DEFB128: variants seen among roughly 807,000 people sequenced by gnomAD.
DEFB128 encodes the protein beta-defensin 128.
A neutral mutation model predicts 2.4 loss-of-function variants in DEFB128; 1 was observed. The observed-to-expected ratio is 0.41, with a 90% CI of 0.15 to 1.96. The LOEUF is 1.96. DEFB128 is among the 30% of genes most tolerant of loss of function. The pLI is 0.30. For synonymous variants in DEFB128, 59 were observed against 39.1 expected (o/e 1.51, Z -1.89); for missense variants, 129 against 104.9 (o/e 1.23, Z -1.00).
At chr20:188,665 C>A (rs1036236431) in intron 1 of DEFB128, among the ~76,000 whole-genome samples, 1 of 152,190 alleles carries the variant, frequency 6.6e-6, no homozygotes, top group South Asian at 2.1e-4. Context: ...GCAACAGGTG[C>A]TATTGAGAAC....
rs372182258 is a variant in DEFB128 at position 188,285 on chromosome 20, C to T, written c.50-167G>A. ...CTTGAAAAATATCCCAAATTAAGGA[C>T]ATTCAAAAGCCCAGGCTCTCAGCCA... On this transcript the variant is annotated intron_variant, in intron 1 of 1. Transcript: ENST00000334391. Among the ~76,000 whole-genome samples the T allele has an allele frequency of 5.3e-5, 8 of 152,292 alleles. No homozygotes were observed. In the East Asian group the frequency reaches 1.4e-3, roughly 26 times the overall value.
rs1190313293 is a variant in DEFB128 at position 188,093 on chromosome 20, G to C, written c.75C>G (p.Phe25Leu). ...LTDGARLKKCFNKVTGYCRKK... is the reference protein window; with the variant it reads ...LTDGARLKKCLNKVTGYCRKK... ...TCCTGCAATAGCCTGTTACTTTATT[G>C]AAGCATTTTTTGAGTCTTGCCCCGT... is the stretch of plus-strand genomic sequence containing the variant. Residue 25 changes from phenylalanine to leucine, a missense_variant, in exon 2 of 2, where the codon TTC becomes TTG. Coordinates refer to ENST00000334391, the MANE Select transcript of DEFB128 (RefSeq NM_001037732.3). 11 of 1,613,808 alleles carry C rather than the reference G, an allele frequency of 6.8e-6. No individual in the cohort carries two copies. Among genetic ancestry groups the C allele is most frequent in the African/African-American group, 1.3e-5 (1 of 74,960 alleles).
chr20:188,349 CAAAAG>C (rs2011114567), intron 1 of DEFB128, among the ~76,000 whole-genome samples: 1 of 152,172 alleles, frequency 6.6e-6, no homozygotes, highest in Admixed American at 6.5e-5. Context: ...ACTGATATGA[CAAAAG>C]AGAAGAGAGA....
rs189532766 is a variant in DEFB128 at position 188,892 on chromosome 20, G to T, written c.49+683C>A. 2.2e-3 allele frequency among the ~76,000 whole-genome samples: 332 copies of T among 152,250 alleles called. 1 individual carries two copies. The highest frequency in any genetic ancestry group is 0.014 in the Middle Eastern group (4 of 294). On this transcript the variant is annotated intron_variant, in intron 1 of 1. Transcript: ENST00000334391. ...AATTTGAACAAGCCCAAAGAATAAG[G>T]TTGGAGAAGAGAGACATACTCTCCC...
chr20:188,178 G>T, intron 1 of DEFB128, 60 bp from the exon 2 acceptor site: 1 of 1,506,568 alleles, frequency 6.6e-7, no homozygotes, highest in Non-Finnish European at 9.2e-7. Flanking sequence ...AGAAGAGGTA[G>T]GTATGTGGTT....
intron 1 of DEFB128, among the ~76,000 whole-genome samples, chr20:188,322 C>G (rs972669477): frequency 1.3e-5 from 2 of 152,158 alleles, no homozygotes; most frequent in Admixed American, 6.6e-5. Context: ...TGTCCAGTTG[C>G]CTCTGAGAAC....
chr20:188,667 A>C (rs1052657943), intron 1 of DEFB128, among the ~76,000 whole-genome samples: 1 of 152,180 alleles, frequency 6.6e-6, no homozygotes, highest in Non-Finnish European at 1.5e-5. Flanking sequence ...AACAGGTGCT[A>C]TTGAGAACTC....
chr20:188,110 T>C lies in DEFB128; in HGVS notation c.58A>G (p.Arg20Gly). 1 of 1,613,854 alleles carries C rather than the reference T, an allele frequency of 6.2e-7. No homozygotes were observed. The change falls in exon 2 of 2, where the codon AGA (arginine) becomes GGA (glycine). Residue 20 changes from arginine to glycine, a missense_variant. Transcript: ENST00000334391. The stretch of plus-strand genomic sequence containing the variant: ...ACTTTATTGAAGCATTTTTTGAGTC[T>C]TGCCCCGTCTGTGCATAGGAAACAA... ...LLFEVLTDGA[R>G]LKKCFNKVTG...
At chr20:188,979 T>A (rs1471796007) in intron 1 of DEFB128, among the ~76,000 whole-genome samples, 1 of 152,142 alleles carries the variant, frequency 6.6e-6, no homozygotes, top group Non-Finnish European at 1.5e-5. Context: ...TTTGGGGCCA[T>A]AAAAATACAA....
At chr20:188,739 T>C (rs1255699605) in intron 1 of DEFB128, among the ~76,000 whole-genome samples, 1 of 152,178 alleles carries the variant, frequency 6.6e-6, no homozygotes, top group African/African-American at 2.4e-5. Context: ...CTCAGATAAA[T>C]GTGTTGCCCA....
At chr20:188,989 A>G (rs181954730) in intron 1 of DEFB128, among the ~76,000 whole-genome samples, 1 of 152,278 alleles carries the variant, frequency 6.6e-6, no homozygotes, top group East Asian at 1.9e-4. Context: ...TAAAAATACA[A>G]TATGCCTTCT....
intron 1 of DEFB128, among the ~76,000 whole-genome samples, chr20:188,813 T>G (rs574952719): frequency 6.6e-6 from 1 of 152,176 alleles, no homozygotes; most frequent in Non-Finnish European, 1.5e-5. Flanking sequence ...CTCAGAGTAA[T>G]GCACTGAAAT....
chr20:189,084 T>C (rs955669560), intron 1 of DEFB128, among the ~76,000 whole-genome samples: 1 of 152,204 alleles, frequency 6.6e-6, no homozygotes, highest in Non-Finnish European at 1.5e-5. Flanking sequence ...ATGTAACCTG[T>C]ACATCAAATA....
chr20:189,701 C>A lies in DEFB128; in HGVS notation c.-78G>T. 3 of 1,540,436 alleles carry A rather than the reference C, an allele frequency of 1.9e-6. No homozygotes were observed. Among genetic ancestry groups the A allele is most frequent in the Non-Finnish European group, 2.7e-6 (3 of 1,116,888 alleles). ...TGTGCCACAGGTCTTTAAAGATGAT[C>A]CAGAGTTTTGAGAGCTATCAGCGCT... On this transcript the variant is annotated 5_prime_UTR_variant, in exon 1 of 2. Transcript: ENST00000334391.
At position 189,706 on chromosome 20, in the gene DEFB128, G is replaced by A; in HGVS notation, c.-83C>T. 2 of 1,491,822 alleles carry A rather than the reference G, an allele frequency of 1.3e-6. No individual in the cohort carries two copies. The highest frequency in any genetic ancestry group is 9.3e-7 in the Non-Finnish European group (1 of 1,073,484). 92.4% of individuals were successfully genotyped at this position (1,491,822 alleles called of 1,614,324 possible). A position where few individuals can be genotyped will look rare whatever the true frequency, so the allele number is the denominator to read the frequency against. On this transcript the variant is annotated 5_prime_UTR_variant, in exon 1 of 2. Coordinates refer to ENST00000334391, the MANE Select transcript of DEFB128 (RefSeq NM_001037732.3). ...CACAGGTCTTTAAAGATGATCCAGA[G>A]TTTTGAGAGCTATCAGCGCTCGGAG...
At chr20:189,490 A>G in intron 1 of DEFB128, 85 bp downstream of exon 1, 1 of 1,496,360 alleles carries the variant, frequency 6.7e-7, no homozygotes, top group East Asian at 2.3e-5. Flanking sequence ...ATTTTGGCCA[A>G]ATATAAATAA....
At position 188,098 on chromosome 20, in the gene DEFB128, A is replaced by C; in HGVS notation, c.70T>G (p.Cys24Gly). 1 of 1,613,906 alleles carries C rather than the reference A, an allele frequency of 6.2e-7. No homozygotes were observed. The highest frequency in any genetic ancestry group is 8.5e-7 in the Non-Finnish European group (1 of 1,179,896). The change falls in exon 2 of 2, where the codon TGC (cysteine) becomes GGC (glycine). Residue 24 changes from cysteine (C) to glycine (G), a missense_variant. Transcript: ENST00000334391. ...CAATAGCCTGTTACTTTATTGAAGC[A>C]TTTTTTGAGTCTTGCCCCGTCTGTG... ...VLTDGARLKK[C>G]FNKVTGYCRK...
intron 1 of DEFB128, among the ~76,000 whole-genome samples, chr20:189,231 G>C (rs1348501356): frequency 1.3e-5 from 2 of 152,180 alleles, no homozygotes; most frequent in African/African-American, 4.8e-5. Context: ...TCCAAAATGT[G>C]TGCTATTTTA....
Position 188,073 on chromosome 20 carries a change from C to G in DEFB128, c.95G>C (p.Cys32Ser). The G allele has an allele frequency of 6.2e-7, 1 of 1,614,034 alleles. No individual in the cohort carries two copies. The highest frequency in any genetic ancestry group is 1.1e-5 in the South Asian group (1 of 91,082). Residue 32 changes from cysteine (C) to serine (S), a missense_variant, in exon 2 of 2, where the codon TGC becomes TCC. Physicochemically the swap from Cys to Ser is moderately radical, Grantham distance 112. Coordinates refer to ENST00000334391, the MANE Select transcript of DEFB128 (RefSeq NM_001037732.3). ...TTCTCCTACCTTGCATTTCTTCCTG[C>G]AATAGCCTGTTACTTTATTGAAGCA... ...KKCFNKVTGY[C>S]RKKCKVGERY... is the part of the protein sequence containing the mutation.
Sources: gnomAD v4.1 joint callset for allele counts (sites outside exome capture counted in the v4.1 genomes callset) on GRCh38, gnomAD v4.1.1 for gene constraint, MANE v1.5 for transcripts, NCBI Gene and HGNC (gene_info 2026-07-23, HGNC 2026-07-21) for gene names.